Variants in ATP2A2 observed in about 807,000 individuals in gnomAD.
ATP2A2 encodes the protein sarcoplasmic/endoplasmic reticulum calcium ATPase 2.
Under a neutral mutation model 109.3 loss-of-function variants are expected in ATP2A2, and 14 were observed. The observed-to-expected ratio is 0.13, with a 90% CI of 0.08 to 0.20. The LOEUF is 0.20. ATP2A2 is among the 10% of genes least tolerant of loss of function. The pLI is 1.00. For synonymous variants in ATP2A2, 506 were observed against 490.9 expected (o/e 1.03, Z -0.41); for missense variants, 657 against 1,321.6 (o/e 0.50, Z 7.80).
rs1461192533 is a variant in ATP2A2, at chr12:110,340,056, G to A, written c.1761+335G>A. Among the ~76,000 whole-genome samples, 1 of 151,992 alleles carries A rather than the reference G, an allele frequency of 6.6e-6. No homozygotes were observed. Among genetic ancestry groups the A allele is most frequent in the Non-Finnish European group, 1.5e-5 (1 of 68,020 alleles). Reference sequence around the variant, plus strand: ...CTAGAATATTCATTAGTTACTGAAGGTCAAAAGATCCAAGTTGGAGATTAC... The same window carrying A: ...CTAGAATATTCATTAGTTACTGAAGATCAAAAGATCCAAGTTGGAGATTAC... On this transcript the variant is annotated intron_variant, in intron 13 of 19. Transcript: ENST00000539276. This position sits in a 1 kb window ranked among gnomAD's most constrained non-coding sequence, Gnocchi z 6.0.
chr12:110,347,792 G>GT lies in ATP2A2; in HGVS notation c.*1323dup. 2 of 1,051,718 alleles carry GT rather than the reference G, an allele frequency of 1.9e-6. No homozygotes were observed. The highest frequency in any genetic ancestry group is 2.3e-6 in the Non-Finnish European group (2 of 869,112). The allele number at this position is 1,051,718 out of a possible 1,614,324, so 65.1% of individuals were successfully genotyped here. ...TGCCTTCCAACATCCATCAACTAACGTGAGTATTTTCTTCCTGGGATTTGG... is the reference window on the plus strand; with the variant it reads ...TGCCTTCCAACATCCATCAACTAACGTTGAGTATTTTCTTCCTGGGATTTGG... On this transcript the variant is annotated 3_prime_UTR_variant, in exon 20 of 20. Transcript: ENST00000539276.
chr12:110,312,237 T>C (rs575272047), intron 5 of ATP2A2, among the ~76,000 whole-genome samples: 1 of 152,086 alleles, frequency 6.6e-6, no homozygotes, highest in Non-Finnish European at 1.5e-5. Flanking sequence ...GCACACTGCT[T>C]AGATCAATGT....
Position 110,347,428 on chromosome 12 carries a change from G to A in ATP2A2, c.*958G>A, listed in dbSNP as rs757456361. The A allele has an allele frequency of 7.8e-7, 1 of 1,289,028 alleles. No individual in the cohort carries two copies. Among genetic ancestry groups the A allele is most frequent in the South Asian group, 1.2e-5 (1 of 81,024 alleles). The allele number at this position is 1,289,028 out of a possible 1,614,324, so 79.8% of individuals were successfully genotyped here. ...AGAACTTTAGTTGTACTCTGCTTGAGGGGAAGAAGGCTCCTGCTCTGCTGT... is the reference window on the plus strand; with the variant it reads ...AGAACTTTAGTTGTACTCTGCTTGAAGGGAAGAAGGCTCCTGCTCTGCTGT... On this transcript the variant is annotated 3_prime_UTR_variant, in exon 20 of 20. Coordinates refer to ENST00000539276, the MANE Select transcript of ATP2A2 (RefSeq NM_170665.4).
chr12:110,296,379 A>G, intron 4 of ATP2A2: 2 of 568,110 alleles, frequency 3.5e-6, no homozygotes, highest in Non-Finnish European at 6.2e-6. Context: ...TCATTGTTTT[A>G]TCCCCTTAGC....
intron 11 of ATP2A2, among the ~76,000 whole-genome samples, chr12:110,337,434 G>A (rs1333994446): frequency 6.6e-6 from 1 of 152,218 alleles, no homozygotes; most frequent in Non-Finnish European, 1.5e-5. Context: ...AGTCATCCCA[G>A]TGCCATTGGC....
chr12:110,294,168 C>T (rs775356961), intron 4 of ATP2A2, among the ~76,000 whole-genome samples: 34 of 151,950 alleles, frequency 2.2e-4, no homozygotes, highest in African/African-American at 8.0e-4. Context: ...CTCAGCCTCC[C>T]GAATAGCTGG....
intron 5 of ATP2A2, among the ~76,000 whole-genome samples, chr12:110,304,617 T>C (rs1875061042): frequency 4.6e-5 from 7 of 152,352 alleles, no homozygotes; most frequent in Middle Eastern, 6.8e-3. Context: ...GTTATTTGTC[T>C]TTTTAATGTT....
At chr12:110,307,658 C>G (rs965069051) in intron 5 of ATP2A2, among the ~76,000 whole-genome samples, 1 of 152,148 alleles carries the variant, frequency 6.6e-6, no homozygotes, top group Non-Finnish European at 1.5e-5. Flanking sequence ...TGAGAAGTGT[C>G]TTTTCATACC....
intron 11 of ATP2A2, among the ~76,000 whole-genome samples, chr12:110,337,489 A>G (rs1216721106): frequency 1.3e-5 from 2 of 152,230 alleles, no homozygotes; most frequent in East Asian, 3.9e-4. Context: ...TTGAGATGAT[A>G]CAGAATCTAG....
intron 4 of ATP2A2, 72 bp downstream of exon 4, chr12:110,292,196 G>C: frequency 1.7e-6 from 2 of 1,146,392 alleles, no homozygotes; most frequent in Non-Finnish European, 2.6e-6. Flanking sequence ...TAATCTTTCT[G>C]TTATCTGTTT....
chr12:110,289,135 TTAAG>T (rs1872987485), intron 3 of ATP2A2, among the ~76,000 whole-genome samples: 1 of 152,234 alleles, frequency 6.6e-6, no homozygotes, highest in African/African-American at 2.4e-5. Flanking sequence ...GGATGTTGCT[TTAAG>T]TTTGTTCCCC....
At chr12:110,341,732 G>A (rs1879374740) in intron 14 of ATP2A2, among the ~76,000 whole-genome samples, 1 of 152,160 alleles carries the variant, frequency 6.6e-6, no homozygotes, top group South Asian at 2.1e-4. Flanking sequence ...AAATTGCTGG[G>A]TGTGGTGGTG....
intron 5 of ATP2A2, among the ~76,000 whole-genome samples, chr12:110,303,675 G>T (rs569047516): frequency 6.6e-6 from 1 of 152,304 alleles, no homozygotes; most frequent in African/African-American, 2.4e-5. Flanking sequence ...CTCCCAAAGT[G>T]CTGGGATTGA....
intron 11 of ATP2A2, among the ~76,000 whole-genome samples, chr12:110,338,052 TG>T (rs1879006948): frequency 6.6e-6 from 1 of 152,224 alleles, no homozygotes; most frequent in South Asian, 2.1e-4. Context: ...CCTCTTCACT[TG>T]GCTTCCACGA....
intron 8 of ATP2A2, chr12:110,330,479 G>A (rs1438283739): frequency 6.6e-6 from 1 of 152,186 alleles, no homozygotes; most frequent in African/African-American, 2.4e-5. Flanking sequence ...GGTTGTTTCA[G>A]GAAGAGAAAG....
At chr12:110,331,259 A>G (rs541944437) in intron 8 of ATP2A2, 3 of 152,034 alleles carry the variant, frequency 2.0e-5, no homozygotes, top group African/African-American at 4.8e-5. Context: ...AAAAAAAGTT[A>G]TTTTAAAATA....
intron 5 of ATP2A2, among the ~76,000 whole-genome samples, chr12:110,318,542 C>T (rs1343777903): frequency 3.3e-5 from 5 of 152,100 alleles, no homozygotes; most frequent in East Asian, 1.9e-4. Context: ...GGCGCAACTT[C>T]GGCTCACTGC....
At position 110,347,015 on chromosome 12, in the gene ATP2A2, G is replaced by A. The variant is rs1239585826; in HGVS notation, c.*545G>A. 3.7e-6 allele frequency: 4 copies of A among 1,095,806 alleles called. No individual in the cohort carries two copies. Among genetic ancestry groups the A allele is most frequent in the South Asian group, 2.5e-5 (1 of 40,156 alleles). The allele number at this position is 1,095,806 out of a possible 1,614,324, so 67.9% of individuals were successfully genotyped here. On this transcript the variant is annotated 3_prime_UTR_variant, in exon 20 of 20. Transcript: ENST00000539276. ...ACTTCCCTCACCCACTTTGGCCTCCGTTCACCCCACCCCACCCCACCTCTC... is the reference window on the plus strand; with the variant it reads ...ACTTCCCTCACCCACTTTGGCCTCCATTCACCCCACCCCACCCCACCTCTC...
At chr12:110,326,578 A>T in intron 7 of ATP2A2, 103 bp downstream of exon 7, 1 of 1,096,194 alleles carries the variant, frequency 9.1e-7, no homozygotes. Flanking sequence ...ATTCTAAAGG[A>T]TAATCACACT....
Sources: allele counts gnomAD v4.1 joint callset (sites outside exome capture counted in the v4.1 genomes callset), GRCh38; gene constraint gnomAD v4.1.1; non-coding constraint Gnocchi (gnomAD v3.1); transcripts MANE v1.5; gene names NCBI Gene and HGNC (gene_info 2026-07-23, HGNC 2026-07-21).